IGF2R: variants seen among roughly 807,000 people sequenced by gnomAD.
IGF2R encodes cation-independent mannose-6-phosphate receptor.
Under a neutral mutation model 270.6 loss-of-function variants are expected in IGF2R, and 91 were observed. That is an observed-to-expected ratio of 0.34 (90% CI 0.28 to 0.40). The LOEUF is 0.40. Among genes scored for constraint, IGF2R ranks in the 10% least tolerant of loss-of-function variants. The pLI, the probability that IGF2R is intolerant of heterozygous loss-of-function variation, is 1.00. For synonymous variants in IGF2R, 1,316 were observed against 1,258.9 expected (o/e 1.05, Z -0.96); for missense variants, 2,805 against 3,188.3 (o/e 0.88, Z 2.90).
rs932574374 is a variant in IGF2R, at chr6:160,111,021, C to T, written c.*5937C>T. Reference sequence around the variant, plus strand: ...GTGCAGCATGGTGACTATGATACTGCTTTGTGTATTTAAAATTTTCAGAGA... The same window carrying T: ...GTGCAGCATGGTGACTATGATACTGTTTTGTGTATTTAAAATTTTCAGAGA... On this transcript the variant is annotated 3_prime_UTR_variant, in exon 48 of 48. Transcript: ENST00000356956. 6.6e-6 allele frequency: 1 copy of T among 152,114 alleles called. No individual in the cohort carries two copies. The highest frequency in any genetic ancestry group is 1.5e-5 in the Non-Finnish European group (1 of 68,038). 9.4% of individuals were successfully genotyped at this position (152,114 alleles called of 1,614,324 possible).
At chr6:159,995,217 T>C (rs1784034511) in intron 2 of IGF2R, among the ~76,000 whole-genome samples, 1 of 152,082 alleles carries the variant, frequency 6.6e-6, no homozygotes, top group Non-Finnish European at 1.5e-5. Flanking sequence ...TTAACTATTA[T>C]TGACTTAAAA....
chr6:160,024,703 A>G lies in IGF2R; in HGVS notation c.645A>G (p.Ile215Met), dbSNP rs1562347376. 6.2e-7 allele frequency: 1 copy of G among 1,614,066 alleles called. No individual in the cohort carries two copies. The highest frequency in any genetic ancestry group is 8.5e-7 in the Non-Finnish European group (1 of 1,179,942). The change falls in exon 5 of 48, where the codon ATA becomes ATG. Residue 215 changes from isoleucine (I) to methionine (M), a missense_variant and splice_region_variant. Coordinates refer to ENST00000356956, the MANE Select transcript of IGF2R (RefSeq NM_000876.4). ...TATTCATCAATGTTTGTAGAGACAT[A>G]GGTATGAATCTTTGTGGGGCTGAGG... ...TSLFINVCRD[I>M]DTLRDPGSQL...
intron 19 of IGF2R, among the ~76,000 whole-genome samples, chr6:160,051,290 C>A (rs1044447278): frequency 3.3e-5 from 5 of 152,160 alleles, no homozygotes; most frequent in Non-Finnish European, 5.9e-5. Context: ...CTCTTTGGAG[C>A]CTGAATGAGG....
intron 2 of IGF2R, among the ~76,000 whole-genome samples, chr6:159,992,272 T>A (rs1783990072): frequency 6.6e-6 from 1 of 152,204 alleles, no homozygotes; most frequent in South Asian, 2.1e-4. Flanking sequence ...GTGCAGTTTG[T>A]TACATGGATA....
rs376900931 is a variant in IGF2R, at chr6:160,104,883, G to A, written c.7275G>A (p.Arg2425=). The A allele has an allele frequency of 1.1e-5, 18 of 1,614,072 alleles. No homozygotes were observed. The highest frequency in any genetic ancestry group is 1.6e-4 in the Middle Eastern group (1 of 6,084). The change falls in exon 48 of 48, where the codon AGG becomes AGA. Residue 2425 remains arginine, a synonymous_variant. Transcript: ENST00000356956. The stretch of plus-strand genomic sequence containing the variant: ...CAGAGGTGAAAGTTCACTCGGGCAG[G>A]GGAGCTGGGGCAGAGAGCTCCCACC... ...TIPEVKVHSG[R]GAGAESSHPV...
intron 2 of IGF2R, among the ~76,000 whole-genome samples, chr6:159,996,042 A>G (rs533178176): frequency 6.7e-6 from 1 of 150,076 alleles, no homozygotes; most frequent in South Asian, 2.1e-4. Context: ...TATGTTGTAT[A>G]TAGTTGTTTG....
At position 160,047,834 on chromosome 6, in the gene IGF2R, T is replaced by C; in HGVS notation, c.2272T>C (p.Tyr758His). 6.2e-7 allele frequency: 1 copy of C among 1,614,154 alleles called. No individual in the cohort carries two copies. The highest frequency in any genetic ancestry group is 8.5e-7 in the Non-Finnish European group (1 of 1,179,954). ...CTACAACTTCCGGTGGTACACCAGC[T>C]ATGCCTGCCCGGAGGAGCCCCTGGA... ...STYNFRWYTS[Y>H]ACPEEPLECV... The change falls in exon 17 of 48, where the codon TAT becomes CAT. Residue 758 changes from tyrosine (Y) to histidine (H), a missense_variant. Coordinates refer to ENST00000356956, the MANE Select transcript of IGF2R (RefSeq NM_000876.4).
At chr6:160,069,843 C>A in intron 30 of IGF2R, 25 bp from the exon 31 acceptor site, 1 of 1,609,774 alleles carries the variant, frequency 6.2e-7, no homozygotes, top group Non-Finnish European at 8.5e-7. Flanking sequence ...CTAAAGGCAA[C>A]TCTTTCTTGT....
At chr6:160,006,841 T>C (rs1784247979) in intron 2 of IGF2R, 1 of 152,058 alleles carries the variant, frequency 6.6e-6, no homozygotes, top group South Asian at 2.1e-4. Context: ...ATCTTGGCAG[T>C]AACCACTATC....
chr6:159,980,240 G>GAAAGAAAGAAAAGAAAAGAAAGAAAGA (rs1562330732), intron 1 of IGF2R, among the ~76,000 whole-genome samples: 6 of 106,832 alleles, frequency 5.6e-5, no homozygotes, highest in African/African-American at 2.0e-4. Context: ...AGAAAGAAAG[G>GAAAGAAAGAAAAGAAAAGAAAGAAAGA]TACATGGAAG....
In IGF2R at chr6:160,105,688, A is replaced by T. The variant is rs1471064306; in HGVS notation, c.*604A>T. On this transcript the variant is annotated 3_prime_UTR_variant, in exon 48 of 48. Coordinates refer to ENST00000356956, the MANE Select transcript of IGF2R (RefSeq NM_000876.4). ...TTTTCTCTTTTGCTTTCTGTTTCTTAAGGGCACACACACGTGCGTGCGAGC... is the reference window on the plus strand; with the variant it reads ...TTTTCTCTTTTGCTTTCTGTTTCTTTAGGGCACACACACGTGCGTGCGAGC... 6.6e-6 allele frequency: 1 copy of T among 152,548 alleles called. No homozygotes were observed. The highest frequency in any genetic ancestry group is 2.1e-4 in the South Asian group (1 of 4,764). The allele number at this position is 152,548 out of a possible 1,614,324, so 9.4% of individuals were successfully genotyped here.
chr6:160,044,123 T>A (rs1366492982), intron 12 of IGF2R, among the ~76,000 whole-genome samples: 1 of 152,208 alleles, frequency 6.6e-6, no homozygotes, highest in African/African-American at 2.4e-5. Flanking sequence ...TGGCTGTGCT[T>A]TCAAAAGACT....
chr6:159,997,888 G>A (rs951568852), intron 2 of IGF2R, among the ~76,000 whole-genome samples: 1 of 152,232 alleles, frequency 6.6e-6, no homozygotes. Context: ...GCAGTGTTTA[G>A]AGTACGAAGA....
intron 3 of IGF2R, among the ~76,000 whole-genome samples, chr6:160,009,900 G>A (rs1343874820): frequency 1.3e-5 from 2 of 152,142 alleles, no homozygotes; most frequent in African/African-American, 4.8e-5. Context: ...GGTCCACAGT[G>A]TCTTATCTGA....
chr6:160,103,048 A>G (rs1779524711), intron 46 of IGF2R, among the ~76,000 whole-genome samples: 1 of 152,116 alleles, frequency 6.6e-6, no homozygotes, highest in Admixed American at 6.6e-5. Flanking sequence ...GCTATGTACC[A>G]GGTATGATGC....
chr6:160,030,416 G>A (rs1777669385), intron 7 of IGF2R, among the ~76,000 whole-genome samples: 1 of 152,212 alleles, frequency 6.6e-6, no homozygotes, highest in South Asian at 2.1e-4. Flanking sequence ...TTGCTCTGAC[G>A]TCAGGCTGGC....
chr6:159,981,969 G>A (rs1783811111), intron 1 of IGF2R, among the ~76,000 whole-genome samples: 1 of 152,174 alleles, frequency 6.6e-6, no homozygotes, highest in African/African-American at 2.4e-5. Flanking sequence ...GTATTTGTCG[G>A]CCCTGTATCT....
At chr6:160,085,448 G>A (rs1042397038) in intron 41 of IGF2R, among the ~76,000 whole-genome samples, 1 of 152,246 alleles carries the variant, frequency 6.6e-6, no homozygotes, top group African/African-American at 2.4e-5. Context: ...TGTAGATCAA[G>A]TGCCTAAATT....
intron 2 of IGF2R, among the ~76,000 whole-genome samples, chr6:159,994,654 C>A (rs938797981): frequency 2.0e-5 from 3 of 151,966 alleles, no homozygotes; most frequent in Non-Finnish European, 1.5e-5. Context: ...TATTTATATT[C>A]ATTTCAAAAA....
Sources: allele counts gnomAD v4.1 joint callset (sites outside exome capture counted in the v4.1 genomes callset), GRCh38; gene constraint gnomAD v4.1.1; transcripts MANE v1.5; gene names NCBI Gene and HGNC (gene_info 2026-07-23, HGNC 2026-07-21).